CSTL1: variants seen among roughly 807,000 people sequenced by gnomAD.
CSTL1 encodes the protein cystatin-like 1.
A neutral mutation model predicts 14.4 loss-of-function variants in CSTL1; 14 were observed. The observed-to-expected ratio is 0.97, with a 90% CI of 0.64 to 1.52. The LOEUF is 1.52. CSTL1 is among the 40% of genes most tolerant of loss of function. The pLI, the probability that CSTL1 is intolerant of heterozygous loss-of-function variation, is 0.00. For synonymous variants in CSTL1, 72 were observed against 67.5 expected, an observed-to-expected ratio of 1.07 and a Z score of -0.33; for missense variants, 170 against 168.7, an observed-to-expected ratio of 1.01 and a Z score of -0.04.
chr20:23,441,392 G>T (rs985936199), intron 2 of CSTL1, among the ~76,000 whole-genome samples: 1 of 152,178 alleles, frequency 6.6e-6, no homozygotes, highest in Non-Finnish European at 1.5e-5. Flanking sequence ...AGAAAGAAAA[G>T]TTGTTAGGGA....
At position 23,444,726 on chromosome 20, in the gene CSTL1, T is replaced by C. The variant is rs1174266914; in HGVS notation, c.331-45T>C. On this transcript the variant is annotated intron_variant, in intron 3 of 3. Transcript: ENST00000347397. ...GGAACAGGTGCCTGTTGCTTGCCTTTGAAAAATACTTCCCCCAAAGTCTGT... is the reference window on the plus strand; with the variant it reads ...GGAACAGGTGCCTGTTGCTTGCCTTCGAAAAATACTTCCCCCAAAGTCTGT... 2.9e-6 allele frequency: 4 copies of C among 1,379,690 alleles called. No individual in the cohort carries two copies. In the South Asian group the frequency reaches 4.7e-5, roughly 16 times the overall value. 85.5% of individuals were successfully genotyped at this position (1,379,690 alleles called of 1,614,324 possible). A position where few individuals can be genotyped will look rare whatever the true frequency, so the allele number is the denominator to read the frequency against.
At chr20:23,450,769 C>A in the CSTL1 span, among the ~76,000 whole-genome samples, 1 of 152,142 alleles carries the variant, frequency 6.6e-6, no homozygotes. Context: ...TACTATCAAG[C>A]GGCTGAAATC....
At chr20:23,458,735 G>C in the CSTL1 span, 124 of 152,368 alleles carry the variant, frequency 8.1e-4, no homozygotes, top group African/African-American at 2.8e-3. Context: ...ATTGGAGGTG[G>C]ACCCAGTTTC....
the CSTL1 span, chr20:23,459,564 C>A: frequency 6.6e-6 from 1 of 152,126 alleles, no homozygotes; most frequent in African/African-American, 2.4e-5. Context: ...CACACACACA[C>A]ATGCACGCAC....
In CSTL1 at chr20:23,440,479, A is replaced by T; in HGVS notation, c.212A>T (p.Gln71Leu). Residue 71 changes from glutamine to leucine, a missense_variant, in exon 2 of 4, where the codon CAG becomes CTG. Gln to Leu is a moderately radical substitution (Grantham distance 113, BLOSUM62 -2). Coordinates refer to ENST00000347397, the MANE Select transcript of CSTL1 (RefSeq NM_138283.1). ...LYRVQRLIRS[Q>L]MQLTTGVEYI... ...CGAGTCCAGAGGCTAATTCGAAGTCAGATGCAGGTTTGTACCTTGCTCTCC... is the reference window on the plus strand; with the variant it reads ...CGAGTCCAGAGGCTAATTCGAAGTCTGATGCAGGTTTGTACCTTGCTCTCC... The T allele has an allele frequency of 6.2e-7, 1 of 1,612,112 alleles. No individual in the cohort carries two copies. The highest frequency in any genetic ancestry group is 8.5e-7 in the Non-Finnish European group (1 of 1,178,116).
At position 23,444,047 on chromosome 20, in the gene CSTL1, G is replaced by T; in HGVS notation, c.330+3G>T. ...TGCAAAGCAAGAAGCTGAGAAAGGTGTGTAGTGGAAGTCATCCCAAAGGGA... is the reference window on the plus strand; with the variant it reads ...TGCAAAGCAAGAAGCTGAGAAAGGTTTGTAGTGGAAGTCATCCCAAAGGGA... On this transcript the variant is annotated splice_donor_region_variant and intron_variant, in intron 3 of 3. Coordinates refer to ENST00000347397, the MANE Select transcript of CSTL1 (RefSeq NM_138283.1). The T allele has an allele frequency of 6.2e-7, 1 of 1,610,378 alleles. No homozygotes were observed. The highest frequency in any genetic ancestry group is 8.5e-7 in the Non-Finnish European group (1 of 1,176,668).
At chr20:23,460,394 C>T in the CSTL1 span, among the ~76,000 whole-genome samples, 1 of 152,166 alleles carries the variant, frequency 6.6e-6, no homozygotes, top group Non-Finnish European at 1.5e-5. Context: ...GGAAGGAATG[C>T]CTTGGGGATT....
the CSTL1 span, chr20:23,451,990 G>A: frequency 6.0e-6 from 7 of 1,175,882 alleles, no homozygotes; most frequent in African/African-American, 1.1e-4. Flanking sequence ...CTGTGCCTGG[G>A]GGCTCCGCTA....
the CSTL1 span, chr20:23,452,590 C>T: frequency 1.9e-6 from 3 of 1,610,170 alleles, no homozygotes; most frequent in Non-Finnish European, 2.6e-6. Flanking sequence ...TCACCTGCCT[C>T]TGGACTTTAA....
chr20:23,456,635 C>T, the CSTL1 span, among the ~76,000 whole-genome samples: 1 of 152,200 alleles, frequency 6.6e-6, no homozygotes, highest in Admixed American at 6.5e-5. Context: ...CCTGTGGCTG[C>T]TGTAACTAGT....
chr20:23,444,385 C>T (rs1376087585), intron 3 of CSTL1, among the ~76,000 whole-genome samples: 1 of 152,234 alleles, frequency 6.6e-6, no homozygotes. Flanking sequence ...CCTCCTTGTT[C>T]CCTTCTATTT....
chr20:23,449,596 A>G (rs1204100472), downstream of CSTL1, among the ~76,000 whole-genome samples: 1 of 152,152 alleles, frequency 6.6e-6, no homozygotes, highest in Non-Finnish European at 1.5e-5. Flanking sequence ...TGGAGGAGGA[A>G]GTGGAGTGGG....
At chr20:23,442,260 G>A (rs947253946) in intron 2 of CSTL1, 1 of 152,200 alleles carries the variant, frequency 6.6e-6, no homozygotes, top group Non-Finnish European at 1.5e-5. Flanking sequence ...CTCACAGAGG[G>A]GACAAGAGCA....
chr20:23,440,587 C>T lies in CSTL1; in HGVS notation c.219+101C>T, dbSNP rs753688317. The T allele has an allele frequency of 6.8e-6, 6 of 878,996 alleles. No individual in the cohort carries two copies. In the South Asian group the frequency reaches 7.9e-5, roughly 12 times the overall value. The allele number at this position is 878,996 out of a possible 1,614,324, so 54.4% of individuals were successfully genotyped here. On this transcript the variant is annotated intron_variant, in intron 2 of 3. Transcript: ENST00000347397. ...CTCCCAAGAGAACCAAGTGGTGGTC[C>T]TCCGTGAGGTCCCAAGGGGGAAGCA...
chr20:23,456,336 CTTGCA>C, the CSTL1 span, among the ~76,000 whole-genome samples: 1 of 152,200 alleles, frequency 6.6e-6, no homozygotes, highest in Non-Finnish European at 1.5e-5. Flanking sequence ...CTCCTGGAGG[CTTGCA>C]TTTGGGGAGG....
downstream of CSTL1, among the ~76,000 whole-genome samples, chr20:23,449,501 A>G (rs140744947): frequency 1.2e-4 from 19 of 152,274 alleles, no homozygotes; most frequent in African/African-American, 4.3e-4. Context: ...AGCTCTTGGG[A>G]ACAAGATCTT....
At chr20:23,459,697 T>G in the CSTL1 span, among the ~76,000 whole-genome samples, 1 of 152,234 alleles carries the variant, frequency 6.6e-6, no homozygotes, top group Non-Finnish European at 1.5e-5. Context: ...AGGATTTAGT[T>G]TTATTCACAA....
chr20:23,447,788 G>A (rs1267108128), downstream of CSTL1, among the ~76,000 whole-genome samples: 1 of 152,168 alleles, frequency 6.6e-6, no homozygotes, highest in Admixed American at 6.5e-5. Context: ...TTGGATATAT[G>A]CCTAAGAGTT....
downstream of CSTL1, among the ~76,000 whole-genome samples, chr20:23,445,344 C>T (rs1248463455): frequency 6.6e-6 from 1 of 151,958 alleles, no homozygotes; most frequent in East Asian, 1.9e-4. Context: ...CTTGACTTCC[C>T]CGGGCTCAAG....
Sources: gnomAD v4.1 joint callset for allele counts (sites outside exome capture counted in the v4.1 genomes callset) on GRCh38, gnomAD v4.1.1 for gene constraint, MANE v1.5 for transcripts, NCBI Gene and HGNC (gene_info 2026-07-23, HGNC 2026-07-21) for gene names.